VAC14: variants seen among roughly 807,000 people sequenced by gnomAD.
The protein encoded by VAC14 is protein VAC14 homolog.
A neutral mutation model predicts 85.3 loss-of-function variants in VAC14; 47 were observed. The observed-to-expected ratio is 0.55, with a 90% CI of 0.44 to 0.70. VAC14 has a LOEUF of 0.70. Ranked by LOEUF, VAC14 falls within the 30% of genes least tolerant of loss-of-function variation. The pLI is 0.00. For synonymous variants in VAC14, 447 were observed against 430.5 expected, an observed-to-expected ratio of 1.04 and a Z score of -0.47; for missense variants, 861 against 1,004.3, an observed-to-expected ratio of 0.86 and a Z score of 1.93.
chr16:70,687,539 A>G lies in VAC14; in HGVS notation c.*389T>C, dbSNP rs986331099. The G allele has an allele frequency of 1.8e-5, 3 of 165,760 alleles. No homozygotes were observed. In the Admixed American group the frequency reaches 1.9e-4, roughly 11 times the overall value. 10.3% of individuals were successfully genotyped at this position (165,760 alleles called of 1,614,324 possible). A position where few individuals can be genotyped will look rare whatever the true frequency, so the allele number is the denominator to read the frequency against. On this transcript the variant is annotated 3_prime_UTR_variant, in exon 19 of 19. Transcript: ENST00000261776. ...TGCATACAAGTACACACACACACAC[A>G]CACACACAGGCATGTGTTCACGTAT...
chr16:70,732,911 A>T (rs1473727342), intron 13 of VAC14, among the ~76,000 whole-genome samples: 1 of 152,112 alleles, frequency 6.6e-6, no homozygotes, highest in East Asian at 1.9e-4. Flanking sequence ...GGCCTCCCAA[A>T]GTGCTGGGAT....
In VAC14 at chr16:70,800,779, G is replaced by A. The variant is rs367578929; in HGVS notation, c.104+18C>T. 3 of 1,600,270 alleles carry A rather than the reference G, an allele frequency of 1.9e-6. No individual in the cohort carries two copies. Among genetic ancestry groups the A allele is most frequent in the African/African-American group, 1.4e-5 (1 of 74,026 alleles). ...GTCAGGGGCTGCATAGCCAGGGAGG[G>A]GTCCTGGCGGCTCTTACTTCTCGAT... On this transcript the variant is annotated intron_variant, in intron 1 of 18. Coordinates refer to ENST00000261776, the MANE Select transcript of VAC14 (RefSeq NM_018052.5).
chr16:70,755,202 GGA>G (rs1365432055), intron 12 of VAC14: 1 of 347,886 alleles, frequency 2.9e-6, no homozygotes, highest in Non-Finnish European at 5.8e-6. Context: ...GGTGGAAGAT[GGA>G]GAGGGCTTCT....
intron 14 of VAC14, among the ~76,000 whole-genome samples, chr16:70,730,332 G>A (rs1019673840): frequency 7.2e-5 from 11 of 151,944 alleles, no homozygotes; most frequent in East Asian, 1.9e-4. Context: ...CAGTGCCTCC[G>A]TGCTGACCCC....
intron 9 of VAC14, among the ~76,000 whole-genome samples, chr16:70,779,895 T>C (rs1405413816): frequency 1.3e-5 from 2 of 152,090 alleles, no homozygotes; most frequent in Non-Finnish European, 1.5e-5. Flanking sequence ...AATACAGTGG[T>C]GTGATCATAG....
At chr16:70,793,130 T>C (rs1453420393) in intron 1 of VAC14, among the ~76,000 whole-genome samples, 2 of 152,210 alleles carry the variant, frequency 1.3e-5, no homozygotes, top group South Asian at 2.1e-4. Context: ...AAGTGAAACG[T>C]AGCTTTCTCT....
chr16:70,694,887 G>T (rs537377426), intron 17 of VAC14, among the ~76,000 whole-genome samples: 1 of 152,332 alleles, frequency 6.6e-6, no homozygotes, highest in African/African-American at 2.4e-5. Flanking sequence ...CCTGCAGAGG[G>T]ACTCGGGACC....
In VAC14 at chr16:70,786,332, G is replaced by A. The variant is rs1258663399; in HGVS notation, c.138C>T (p.Thr46=). Residue 46 remains threonine (T), a synonymous_variant, in exon 2 of 19, where the codon ACC becomes ACT. Coordinates refer to ENST00000261776, the MANE Select transcript of VAC14 (RefSeq NM_018052.5). ...LVREFVAQNN[T]VQIKHVIQTL... ...TCTGGATCACATGCTTGATTTGCAC[G>A]GTATTGTTCTGGGCCACGAACTCCC... 4.3e-6 allele frequency: 7 copies of A among 1,614,116 alleles called. No individual in the cohort carries two copies. The highest frequency in any genetic ancestry group is 2.2e-5 in the East Asian group (1 of 44,892).
intron 1 of VAC14, among the ~76,000 whole-genome samples, chr16:70,796,462 A>AT (rs1276641262): frequency 6.6e-6 from 1 of 152,214 alleles, no homozygotes; most frequent in Non-Finnish European, 1.5e-5. Context: ...TCCTTTTATT[A>AT]TAAGTATGTC....
chr16:70,707,334 C>T (rs2053940233), intron 14 of VAC14, among the ~76,000 whole-genome samples: 1 of 152,156 alleles, frequency 6.6e-6, no homozygotes, highest in African/African-American at 2.4e-5. Flanking sequence ...TTAAAAGTTT[C>T]TTGCAGGGAG....
intron 14 of VAC14, among the ~76,000 whole-genome samples, chr16:70,724,980 C>G (rs1038339802): frequency 3.3e-5 from 5 of 152,244 alleles, no homozygotes; most frequent in African/African-American, 1.2e-4. Context: ...ACATTTGCCA[C>G]AGCAATTTAT....
rs938366793 is a variant in VAC14 at position 70,762,029 on chromosome 16, G to A, written c.1371+511C>T. 2.6e-5 allele frequency among the ~76,000 whole-genome samples: 4 copies of A among 152,102 alleles called. No individual in the cohort carries two copies. ...CCAAGCTCCCCGCCTGTCCTGTGCT[G>A]CCTCCCTTACTGACACTCTGCCCCA... On this transcript the variant is annotated intron_variant, in intron 12 of 18. Transcript: ENST00000261776. The surrounding 1 kb of genome is among the most constrained non-coding windows in gnomAD (Gnocchi z 4.1).
intron 1 of VAC14, among the ~76,000 whole-genome samples, chr16:70,787,439 T>G (rs994419363): frequency 6.6e-6 from 1 of 152,070 alleles, no homozygotes; most frequent in Admixed American, 6.5e-5. Context: ...GCTGCCCTCA[T>G]GGGAGGGAGG....
intron 12 of VAC14, among the ~76,000 whole-genome samples, chr16:70,749,557 C>T (rs758439477): frequency 6.6e-6 from 1 of 152,248 alleles, no homozygotes; most frequent in Non-Finnish European, 1.5e-5. Context: ...ACTGTGTGCG[C>T]TTGTGCGCAC....
At chr16:70,692,305 C>T (rs1024493719) in intron 18 of VAC14, among the ~76,000 whole-genome samples, 1 of 151,772 alleles carries the variant, frequency 6.6e-6, no homozygotes, top group Non-Finnish European at 1.5e-5. Flanking sequence ...TCCCACCCCA[C>T]CCCGGAAGTG....
chr16:70,799,349 A>G (rs2034672379), intron 1 of VAC14, among the ~76,000 whole-genome samples: 1 of 152,228 alleles, frequency 6.6e-6, no homozygotes, highest in Admixed American at 6.5e-5. Flanking sequence ...TAAAAGGAGC[A>G]GTCAAGAAAG....
intron 17 of VAC14, among the ~76,000 whole-genome samples, chr16:70,694,228 C>T (rs1430945807): frequency 6.6e-6 from 1 of 152,102 alleles, no homozygotes; most frequent in East Asian, 1.9e-4. Flanking sequence ...GGGCAGTCAT[C>T]CTAGGGATGC....
At chr16:70,701,491 C>T (rs1597857153) in intron 14 of VAC14, among the ~76,000 whole-genome samples, 1 of 152,100 alleles carries the variant, frequency 6.6e-6, no homozygotes, top group African/African-American at 2.4e-5. Context: ...CGTATGGGGG[C>T]CTTACCCTGG....
At chr16:70,749,191 G>A (rs150107198) in intron 12 of VAC14, among the ~76,000 whole-genome samples, 214 of 152,266 alleles carry the variant, frequency 1.4e-3, no homozygotes, top group African/African-American at 4.8e-3. Flanking sequence ...GCTGTTCCCT[G>A]GCCCAGGCTT....
Sources: allele counts gnomAD v4.1 joint callset (sites outside exome capture counted in the v4.1 genomes callset), GRCh38; gene constraint gnomAD v4.1.1; non-coding constraint Gnocchi (gnomAD v3.1); transcripts MANE v1.5; gene names NCBI Gene and HGNC (gene_info 2026-07-23, HGNC 2026-07-21).